FMN2: variants seen among roughly 807,000 people sequenced by gnomAD.
FMN2 encodes formin 2.
A neutral mutation model predicts 142.3 loss-of-function variants in FMN2; 51 were observed. The ratio of observed to expected loss-of-function variants is 0.36; its 90% CI spans 0.29 to 0.45. FMN2 has a LOEUF of 0.45. FMN2 is among the 20% of genes least tolerant of loss of function. The probability of loss-of-function intolerance (pLI) is 1.00; values close to 1 mark genes in which losing one functional copy is unlikely to be tolerated. For missense variants in FMN2, 1,936 were observed against 2,122.8 expected (o/e 0.91, Z 1.73); for synonymous variants, 882 against 869.8 (o/e 1.01, Z -0.25).
Position 240,092,627 on chromosome 1 carries a change from A to C in FMN2, c.518A>C (p.Gln173Pro), listed in dbSNP as rs1661025766. The C allele has an allele frequency of 6.2e-7, 1 of 1,613,950 alleles. No individual in the cohort carries two copies. The highest frequency in any genetic ancestry group is 1.7e-5 in the Admixed American group (1 of 59,996). Reference protein sequence around the residue: ...VETAAGAQDGQRTSSGSDTDI... With the variant: ...VETAAGAQDGPRTSSGSDTDI... ...ACTGCAGCAGGGGCGCAGGATGGAC[A>C]AAGGACCAGCTCGGGCTCGGACACG... Residue 173 changes from glutamine to proline, a missense_variant, in exon 1 of 18, where the codon CAA becomes CCA. Physicochemically the swap from Gln to Pro is moderately conservative, Grantham distance 76 (BLOSUM62 -1). Transcript: ENST00000319653.
At chr1:240,142,758 C>G (rs927528460) in intron 2 of FMN2, 1 of 1,604,746 alleles carries the variant, frequency 6.2e-7, no homozygotes, top group African/African-American at 1.3e-5. Context: ...CAATTCTGCC[C>G]GTTCCCCGTG....
chr1:240,325,326 C>CAT (rs1671128962), intron 8 of FMN2, among the ~76,000 whole-genome samples: 2 of 129,392 alleles, frequency 1.5e-5, no homozygotes, highest in African/African-American at 6.0e-5. Context: ...CTGGGTGACA[C>CAT]GGTGAGACCC....
At chr1:240,228,303 C>CAAAAAAAAAAAAGAAAAAAAAA (rs1667392618) in intron 6 of FMN2, among the ~76,000 whole-genome samples, 1 of 47,728 alleles carries the variant, frequency 2.1e-5, no homozygotes, top group Non-Finnish European at 4.4e-5. Flanking sequence ...AACTCTGTCT[C>CAAAAAAAAAAAAGAAAAAAAAA]AAAAAAAAAA....
intron 8 of FMN2, among the ~76,000 whole-genome samples, chr1:240,311,675 G>A (rs929131851): frequency 6.6e-6 from 1 of 151,966 alleles, no homozygotes; most frequent in Non-Finnish European, 1.5e-5. Flanking sequence ...TAAAATTATT[G>A]ACTGATTTTT....
Position 240,277,679 on chromosome 1 carries a change from C to T in FMN2, c.4154-17143C>T, listed in dbSNP as rs1669264373. ...TCCCAAGTAACTGGGATTACAGGCA[C>T]CTGCCACCATGCCCGGCTAATTTTT... On this transcript the variant is annotated intron_variant, in intron 7 of 17. Coordinates refer to ENST00000319653, the MANE Select transcript of FMN2 (RefSeq NM_020066.5). 2.0e-5 allele frequency among the ~76,000 whole-genome samples: 3 copies of T among 151,642 alleles called. No homozygotes were observed. The South Asian group carries it at 6.3e-4, about 32-fold the overall frequency.
intron 8 of FMN2, 75 bp from the exon 9 acceptor site, chr1:240,329,001 C>T: frequency 3.1e-6 from 4 of 1,281,878 alleles, no homozygotes; most frequent in South Asian, 2.6e-5. Context: ...GCAAATTTAT[C>T]AAGATAATTA....
chr1:240,094,173 G>T (rs1025147912), intron 1 of FMN2, among the ~76,000 whole-genome samples: 2 of 152,072 alleles, frequency 1.3e-5, no homozygotes, highest in Admixed American at 6.6e-5. Flanking sequence ...ATTCCGGTAC[G>T]ATCCAAAGGC....
chr1:240,148,275 GACAGAGACAGAGAC>G (rs1303563881), intron 2 of FMN2, among the ~76,000 whole-genome samples: 7 of 104,818 alleles, frequency 6.7e-5, no homozygotes, highest in Admixed American at 1.0e-4. Context: ...GACAGAGATA[GACAGAGACAGAGAC>G]AGACAGAGAC....
At chr1:240,107,171 T>G (rs1428865126) in intron 1 of FMN2, among the ~76,000 whole-genome samples, 1 of 152,048 alleles carries the variant, frequency 6.6e-6, no homozygotes, top group Non-Finnish European at 1.5e-5. Flanking sequence ...CCTTACAGAA[T>G]GTCCAGTGTT....
chr1:240,208,123 G>C lies in FMN2; in HGVS notation c.3311G>C (p.Gly1104Ala). 8.1e-7 allele frequency: 1 copy of C among 1,236,800 alleles called. No individual in the cohort carries two copies. The highest frequency in any genetic ancestry group is 1.1e-6 in the Non-Finnish European group (1 of 884,150). 76.6% of individuals were successfully genotyped at this position (1,236,800 alleles called of 1,614,324 possible). ...ATACCCCCTCCGCCCCCTCTACCCG[G>C]AGTGGGCATACCTCCTCCGCCCCCT... ...AGIPPPPPLPGVGIPPPPPLP... is the reference protein window; with the variant it reads ...AGIPPPPPLPAVGIPPPPPLP... The change falls in exon 5 of 18, where the codon GGA becomes GCA. Residue 1104 changes from glycine to alanine, a missense_variant. Physicochemically the swap from Gly to Ala is moderately conservative, Grantham distance 60. This residue lies in a region of FMN2 where 56 missense variants were observed against 111.8 expected (regional missense o/e 0.50). Transcript: ENST00000319653.
At chr1:240,454,575 C>G (rs542358573) in intron 16 of FMN2, among the ~76,000 whole-genome samples, 5 of 152,100 alleles carry the variant, frequency 3.3e-5, no homozygotes, top group Non-Finnish European at 7.4e-5. Context: ...GGCTTCCAAT[C>G]CTTTAGATTA....
At chr1:240,134,470 A>T (rs965873893) in intron 2 of FMN2, among the ~76,000 whole-genome samples, 3 of 152,160 alleles carry the variant, frequency 2.0e-5, no homozygotes, top group Non-Finnish European at 2.9e-5. Flanking sequence ...CAAAAAATTT[A>T]AAAAATTAGC....
At chr1:240,464,800 G>A (rs184955431) in intron 16 of FMN2, among the ~76,000 whole-genome samples, 1 of 152,224 alleles carries the variant, frequency 6.6e-6, no homozygotes, top group Admixed American at 6.5e-5. Context: ...GTCCCTCCAG[G>A]GCTGACACTT....
chr1:240,174,396 C>T (rs1383488124), intron 2 of FMN2, among the ~76,000 whole-genome samples: 2 of 152,144 alleles, frequency 1.3e-5, no homozygotes, highest in Non-Finnish European at 2.9e-5. Flanking sequence ...GCTCTGTTGT[C>T]CAGGCTAGAG....
intron 1 of FMN2, among the ~76,000 whole-genome samples, chr1:240,116,083 G>T (rs923334621): frequency 6.6e-6 from 1 of 152,212 alleles, no homozygotes; most frequent in Admixed American, 6.5e-5. Flanking sequence ...CATATAATGA[G>T]CAGTGAGGAC....
intron 14 of FMN2, among the ~76,000 whole-genome samples, chr1:240,366,797 C>T (rs1039418430): frequency 1.6e-4 from 25 of 152,116 alleles, no homozygotes; most frequent in African/African-American, 3.4e-4. Context: ...GTGATCTGCC[C>T]GCCTCGACCT....
intron 14 of FMN2, among the ~76,000 whole-genome samples, chr1:240,387,864 A>T (rs1349426521): frequency 6.6e-6 from 1 of 152,112 alleles, no homozygotes; most frequent in Admixed American, 6.5e-5. Context: ...CAGGTGATTT[A>T]TACATTATCT....
At position 240,184,236 on chromosome 1, in the gene FMN2, C is replaced by CTTTTTTTTTTTTTTT. The variant is rs34050336; in HGVS notation, c.1931-3961_1931-3947dup. Among the ~76,000 whole-genome samples the CTTTTTTTTTTTTTTT allele has an allele frequency of 1.6e-4, 13 of 79,450 alleles. 1 individual carries two copies. Among genetic ancestry groups the CTTTTTTTTTTTTTTT allele is most frequent in the South Asian group, 5.8e-4 (1 of 1,734 alleles). The allele number at this position is 79,450 out of a possible 152,430, so 52.1% of individuals were successfully genotyped here. On this transcript the variant is annotated intron_variant, in intron 3 of 17. Transcript: ENST00000319653. Reference sequence around the variant, plus strand: ...AACTTTTTAAAATGGAATATTTAACCTTTTTTTTTTTTTTTTTTTTTTTTG... The same window carrying CTTTTTTTTTTTTTTT: ...AACTTTTTAAAATGGAATATTTAACCTTTTTTTTTTTTTTTTTTTTTTTTTTTTTTTTTTTTTTTG...
intron 15 of FMN2, among the ~76,000 whole-genome samples, chr1:240,398,242 G>A (rs542395624): frequency 6.6e-6 from 1 of 152,214 alleles, no homozygotes; most frequent in African/African-American, 2.4e-5. Context: ...GGCCTCAAGT[G>A]GTCTGCCCGC....
Sources: allele counts gnomAD v4.1 joint callset (sites outside exome capture counted in the v4.1 genomes callset), GRCh38; gene constraint gnomAD v4.1.1; regional missense constraint gnomAD v4.1.1; transcripts MANE v1.5; gene names NCBI Gene and HGNC (gene_info 2026-07-23, HGNC 2026-07-21).